The following SLC43A2 variants were observed in gnomAD, a reference collection of about 807,000 sequenced individuals.
SLC43A2 encodes large neutral amino acids transporter small subunit 4.
In SLC43A2, 38 loss-of-function variants were observed where a neutral mutation model predicts 63.2. The ratio of observed to expected loss-of-function variants is 0.60; its 90% confidence interval spans 0.46 to 0.79. The LOEUF (loss-of-function observed/expected upper bound fraction) is 0.79, where lower values mean the gene tolerates loss of function less well. SLC43A2 is among the 30% of genes least tolerant of loss of function. The pLI is 0.00. For synonymous variants in SLC43A2, 322 were observed against 331.0 expected (o/e 0.97, Z 0.30); for missense variants, 644 against 756.2 (o/e 0.85, Z 1.74).
Position 1,593,056 on chromosome 17 carries a change from C to T in SLC43A2, c.594+131G>A. 2 of 785,734 alleles carry T rather than the reference C, an allele frequency of 2.5e-6. No individual in the cohort carries two copies. The highest frequency in any genetic ancestry group is 4.2e-6 in the Non-Finnish European group (2 of 471,672). 48.7% of individuals were successfully genotyped at this position (785,734 alleles called of 1,614,324 possible). On this transcript the variant is annotated intron_variant, in intron 6 of 13. Transcript: ENST00000301335. This position sits in a 1 kb window ranked among gnomAD's most constrained non-coding sequence, Gnocchi z 5.3. ...TTGTCGCCCCTGTGATGCCCAGGTGCATCCTGCCCGGGTGGGGGTGGTGGA... is the reference window on the plus strand; with the variant it reads ...TTGTCGCCCCTGTGATGCCCAGGTGTATCCTGCCCGGGTGGGGGTGGTGGA...
intron 2 of SLC43A2, among the ~76,000 whole-genome samples, chr17:1,617,293 C>T (rs1456235869): frequency 6.6e-6 from 1 of 152,214 alleles, no homozygotes; most frequent in African/African-American, 2.4e-5. Flanking sequence ...CCTGGTTCTC[C>T]TCTGTCCATG....
At chr17:1,603,235 C>T (rs1056219626) in intron 5 of SLC43A2, 3 of 152,120 alleles carry the variant, frequency 2.0e-5, no homozygotes, top group Non-Finnish European at 4.4e-5. Context: ...AAGCCGACTA[C>T]AGGATAAAAC....
At chr17:1,627,151 T>G (rs2151086012) in intron 2 of SLC43A2, among the ~76,000 whole-genome samples, 1 of 152,218 alleles carries the variant, frequency 6.6e-6, no homozygotes, top group South Asian at 2.1e-4. Context: ...TCAGAGCCCG[T>G]GGGGGAAATG....
At chr17:1,579,598 G>A (rs1292435381) in intron 11 of SLC43A2, among the ~76,000 whole-genome samples, 1 of 152,076 alleles carries the variant, frequency 6.6e-6, no homozygotes, top group African/African-American at 2.4e-5. Context: ...CCCACACTCT[G>A]GGAGGCCTGG....
At position 1,597,060 on chromosome 17, in the gene SLC43A2, C is replaced by T. The variant is rs576150846; in HGVS notation, c.502-3781G>A. Among the ~76,000 whole-genome samples the T allele has an allele frequency of 7.3e-4, 111 of 151,324 alleles. 1 individual carries two copies. The highest frequency in any genetic ancestry group is 2.6e-3 in the African/African-American group (109 of 41,194). On this transcript the variant is annotated intron_variant, in intron 5 of 13. Coordinates refer to ENST00000301335, the MANE Select transcript of SLC43A2 (RefSeq NM_152346.3). ...TGAGACCCCGTCTCTACCAAAAATA[C>T]AAAAACTTAGCGAGGTATGGTGGAA...
intron 5 of SLC43A2, among the ~76,000 whole-genome samples, chr17:1,603,510 C>T (rs574400741): frequency 1.3e-5 from 2 of 151,998 alleles, no homozygotes; most frequent in Non-Finnish European, 1.5e-5. Flanking sequence ...TGAGGCCGGG[C>T]GCGGTGGCTC....
intron 5 of SLC43A2, among the ~76,000 whole-genome samples, chr17:1,599,976 A>G (rs866001394): frequency 3.4e-4 from 50 of 147,936 alleles, no homozygotes; most frequent in African/African-American, 1.0e-3. Context: ...CCTGGGAGGC[A>G]GAGCTTGCAG....
chr17:1,598,869 C>T (rs1399696137), intron 5 of SLC43A2, among the ~76,000 whole-genome samples: 6 of 152,186 alleles, frequency 3.9e-5, no homozygotes, highest in Non-Finnish European at 8.8e-5. Flanking sequence ...CCAGCTGCTC[C>T]CTTTGATGCC....
At chr17:1,607,701 A>G (rs1414116953) in intron 5 of SLC43A2, among the ~76,000 whole-genome samples, 1 of 151,880 alleles carries the variant, frequency 6.6e-6, no homozygotes, top group East Asian at 1.9e-4. Flanking sequence ...AACTTTTTCC[A>G]TAAAGGGCCA....
chr17:1,621,626 G>C (rs1373171380), intron 2 of SLC43A2, among the ~76,000 whole-genome samples: 1 of 152,248 alleles, frequency 6.6e-6, no homozygotes, highest in Non-Finnish European at 1.5e-5. Context: ...TGCCGTGTGT[G>C]CAATGAAAGT....
chr17:1,593,382 G>A lies in SLC43A2; in HGVS notation c.502-103C>T, dbSNP rs1905000398. 1 of 1,024,954 alleles carries A rather than the reference G, an allele frequency of 9.8e-7. No homozygotes were observed. The highest frequency in any genetic ancestry group is 2.5e-5 in the East Asian group (1 of 39,286). The allele number at this position is 1,024,954 out of a possible 1,614,324, so 63.5% of individuals were successfully genotyped here. A position where few individuals can be genotyped will look rare whatever the true frequency, so the allele number is the denominator to read the frequency against. ...GCCCCATGAGGCCCCTTCTTCACCT[G>A]CGCCCCTTCCTGTGTGACTCACAGG... On this transcript the variant is annotated intron_variant, in intron 5 of 13. Coordinates refer to ENST00000301335, the MANE Select transcript of SLC43A2 (RefSeq NM_152346.3). The surrounding 1 kb of genome is among the most constrained non-coding windows in gnomAD (Gnocchi z 5.3).
In SLC43A2 at chr17:1,572,321, T is replaced by C. The variant is rs910648795; in HGVS notation, c.*3283A>G. On this transcript the variant is annotated 3_prime_UTR_variant, in exon 14 of 14. Coordinates refer to ENST00000301335, the MANE Select transcript of SLC43A2 (RefSeq NM_152346.3). ...AGGTCCCCCTGCCACAGAGGCCTGG[T>C]GGCCCCTGAGCTGCTGCTCCGAGTG... The C allele has an allele frequency of 2.3e-5, 3 of 128,904 alleles. No homozygotes were observed. The highest frequency in any genetic ancestry group is 8.8e-5 in the African/African-American group (3 of 33,972). The allele number at this position is 128,904 out of a possible 1,614,324, so 8.0% of individuals were successfully genotyped here. A position where few individuals can be genotyped will look rare whatever the true frequency, so the allele number is the denominator to read the frequency against.
At chr17:1,602,310 CT>C (rs1906130319) in intron 5 of SLC43A2, among the ~76,000 whole-genome samples, 1 of 152,064 alleles carries the variant, frequency 6.6e-6, no homozygotes, top group African/African-American at 2.4e-5. Flanking sequence ...CCCGGCCAAT[CT>C]TTGTATATTG....
At chr17:1,581,892 G>A (rs1384073349) in intron 11 of SLC43A2, among the ~76,000 whole-genome samples, 2 of 149,432 alleles carry the variant, frequency 1.3e-5, no homozygotes, top group Admixed American at 6.8e-5. Context: ...TGCAACCTCT[G>A]CCACCCGGAT....
intron 8 of SLC43A2, 42 bp from the exon 9 acceptor site, chr17:1,590,990 T>C (rs767287016): frequency 1.4e-5 from 21 of 1,541,426 alleles, no homozygotes; most frequent in Non-Finnish European, 1.8e-5. Flanking sequence ...GGGCACACTG[T>C]CCCCACCACC....
chr17:1,592,295 C>T (rs1185687807), intron 6 of SLC43A2, among the ~76,000 whole-genome samples: 2 of 152,200 alleles, frequency 1.3e-5, no homozygotes, highest in Non-Finnish European at 2.9e-5. Context: ...GGCATGGTGG[C>T]GGGCACCTGT....
At chr17:1,604,616 T>C (rs1183660425) in intron 5 of SLC43A2, 1 of 1,003,658 alleles carries the variant, frequency 1.0e-6, no homozygotes, top group Non-Finnish European at 1.5e-6. Context: ...TCAACTCATC[T>C]GCCCACCTCA....
chr17:1,604,242 T>C (rs1272393354), intron 5 of SLC43A2: 2 of 152,394 alleles, frequency 1.3e-5, no homozygotes, highest in Non-Finnish European at 2.9e-5. Flanking sequence ...TGAGTAGAGA[T>C]GGAGTTTCGC....
intron 2 of SLC43A2, among the ~76,000 whole-genome samples, chr17:1,623,943 G>A (rs534348252): frequency 1.1e-3 from 163 of 152,152 alleles, no homozygotes; most frequent in African/African-American, 3.7e-3. Flanking sequence ...GAACCGCAGA[G>A]AGGCCCTCCC....
Sources: gnomAD v4.1 joint callset for allele counts (sites outside exome capture counted in the v4.1 genomes callset) on GRCh38, gnomAD v4.1.1 for gene constraint, Gnocchi (gnomAD v3.1) non-coding constraint, MANE v1.5 for transcripts, NCBI Gene and HGNC (gene_info 2026-07-23, HGNC 2026-07-21) for gene names.